Variants in PALM2AKAP2 observed in about 807,000 individuals in gnomAD.
PALM2AKAP2 encodes PALM2 and AKAP2 fusion, also known as PALM2-AKAP2 fusion protein.
In PALM2AKAP2, 37 loss-of-function variants were observed where a neutral mutation model predicts 71.5. The observed-to-expected ratio is 0.52, with a 90% CI of 0.40 to 0.68. The LOEUF (loss-of-function observed/expected upper bound fraction) is 0.68. PALM2AKAP2 is among the 30% of genes least tolerant of loss of function. PALM2AKAP2 has a pLI of 0.00. For synonymous variants in PALM2AKAP2, 468 were observed against 478.8 expected (o/e 0.98, Z 0.29); for missense variants, 1,224 against 1,191.8 (o/e 1.03, Z -0.40).
chr9:109,696,230 G>A lies in PALM2AKAP2; in HGVS notation c.5+55364G>A, dbSNP rs140316978. 1.3e-3 allele frequency among the ~76,000 whole-genome samples: 194 copies of A among 152,142 alleles called. 2 individuals carry two copies. Among genetic ancestry groups the A allele is most frequent in the African/African-American group, 4.5e-3 (187 of 41,492 alleles). ...GCTAACATCATTGATGTCATCAAGA[G>A]CACTCATGTTTCAGCAAGAAAAAAA... On this transcript the variant is annotated intron_variant, in intron 1 of 6. Transcript: ENST00000374531.
chr9:109,802,182 G>A (rs1441660930), intron 1 of PALM2AKAP2, among the ~76,000 whole-genome samples: 1 of 152,228 alleles, frequency 6.6e-6, no homozygotes, highest in African/African-American at 2.4e-5. Flanking sequence ...AGCCTCTTCT[G>A]GGCATCTGAA....
At chr9:110,099,520 T>C (rs1271936244) in intron 1 of PALM2AKAP2, among the ~76,000 whole-genome samples, 5 of 152,164 alleles carry the variant, frequency 3.3e-5, no homozygotes, top group Non-Finnish European at 7.4e-5. Flanking sequence ...GCCCATCCAT[T>C]TCCCTAAGAT....
intron 1 of PALM2AKAP2, among the ~76,000 whole-genome samples, chr9:109,654,750 G>GGTGTGTGTGT (rs374397482): frequency 0.024 from 3,573 of 147,252 alleles, 76 homozygotes; most frequent in South Asian, 0.045. Context: ...GTATGTGTAT[G>GGTGTGTGTGT]GTGTGTGTGT....
intron 1 of PALM2AKAP2, among the ~76,000 whole-genome samples, chr9:109,742,153 AC>A (rs1322378121): frequency 1.3e-5 from 2 of 151,868 alleles, no homozygotes; most frequent in Non-Finnish European, 2.9e-5. Context: ...AAATGACATA[AC>A]TTTTTATTTT....
At chr9:110,058,982 C>G (rs929550556) in intron 1 of PALM2AKAP2, among the ~76,000 whole-genome samples, 1 of 146,802 alleles carries the variant, frequency 6.8e-6, no homozygotes. Context: ...TCACTGCAAC[C>G]TCCGCCCCCT....
At chr9:110,001,578 G>T (rs568224004) in intron 6 of PALM2AKAP2, among the ~76,000 whole-genome samples, 22 of 152,104 alleles carry the variant, frequency 1.4e-4, no homozygotes, top group Non-Finnish European at 3.2e-4. Flanking sequence ...GAGGGGGATG[G>T]CATTGAATCT....
At chr9:109,982,443 A>T (rs1832294056) in intron 6 of PALM2AKAP2, among the ~76,000 whole-genome samples, 2 of 152,256 alleles carry the variant, frequency 1.3e-5, no homozygotes, top group Non-Finnish European at 2.9e-5. Context: ...ACGTTTTAAA[A>T]TAACTAAGAG....
In PALM2AKAP2 at chr9:109,754,709, A is replaced by G. The variant is rs549312524; in HGVS notation, c.6-25779A>G. Among the ~76,000 whole-genome samples, 13 of 152,236 alleles carry G rather than the reference A, an allele frequency of 8.5e-5. No homozygotes were observed. The East Asian group carries it at 2.3e-3, about 27-fold the overall frequency. On this transcript the variant is annotated intron_variant, in intron 1 of 6. Transcript: ENST00000374531. ...AGTTGGCAGATGGCCTTCTGGCTGCATTCTCACATAACTGAGAGGAGAAGC... is the reference window on the plus strand; with the variant it reads ...AGTTGGCAGATGGCCTTCTGGCTGCGTTCTCACATAACTGAGAGGAGAAGC...
At chr9:109,907,601 G>A (rs1409946020) in intron 3 of PALM2AKAP2, among the ~76,000 whole-genome samples, 4 of 152,154 alleles carry the variant, frequency 2.6e-5, no homozygotes, top group African/African-American at 9.7e-5. Flanking sequence ...ACATGACAGA[G>A]AACAATAGCA....
At chr9:109,770,978 A>T (rs959693800) in intron 1 of PALM2AKAP2, among the ~76,000 whole-genome samples, 1 of 152,214 alleles carries the variant, frequency 6.6e-6, no homozygotes. Flanking sequence ...AGTCAAGTAC[A>T]ATTCTCAAGG....
intron 7 of PALM2AKAP2, among the ~76,000 whole-genome samples, chr9:110,031,593 A>T (rs942283435): frequency 2.6e-5 from 4 of 152,184 alleles, no homozygotes; most frequent in Non-Finnish European, 5.9e-5. Context: ...CCACAACCCT[A>T]TGAGGTGGGT....
chr9:109,919,466 C>A (rs1333195418), intron 3 of PALM2AKAP2, among the ~76,000 whole-genome samples: 1 of 152,120 alleles, frequency 6.6e-6, no homozygotes, highest in Non-Finnish European at 1.5e-5. Context: ...TCAGAGACAA[C>A]TATCACTGAC....
intron 6 of PALM2AKAP2, among the ~76,000 whole-genome samples, chr9:109,950,311 AC>A (rs1481288975): frequency 2.0e-5 from 3 of 152,080 alleles, no homozygotes; most frequent in African/African-American, 7.2e-5. Context: ...AAACAAAAAA[AC>A]AATTATCAGT....
At chr9:109,866,125 G>A (rs1386985567) in intron 1 of PALM2AKAP2, among the ~76,000 whole-genome samples, 2 of 152,172 alleles carry the variant, frequency 1.3e-5, no homozygotes, top group African/African-American at 4.8e-5. Flanking sequence ...ATTTTGTAAG[G>A]TCTGGGCATT....
chr9:110,077,798 G>C (rs894497176), intron 1 of PALM2AKAP2, among the ~76,000 whole-genome samples: 12 of 152,176 alleles, frequency 7.9e-5, no homozygotes, highest in African/African-American at 2.9e-4. Context: ...GTCGGATCAC[G>C]AGGTCAGGAG....
At chr9:109,821,151 A>C (rs1451282597) in intron 1 of PALM2AKAP2, among the ~76,000 whole-genome samples, 1 of 152,122 alleles carries the variant, frequency 6.6e-6, no homozygotes, top group Non-Finnish European at 1.5e-5. Context: ...CAGCCTTGTG[A>C]GCTGCCAGGT....
chr9:109,938,198 T>G (rs1472811289), intron 6 of PALM2AKAP2, among the ~76,000 whole-genome samples: 2 of 152,218 alleles, frequency 1.3e-5, no homozygotes, highest in African/African-American at 2.4e-5. Context: ...GGCTGAGAAC[T>G]GAAGCAAAAT....
intron 1 of PALM2AKAP2, among the ~76,000 whole-genome samples, chr9:109,844,794 T>C (rs1377634008): frequency 1.3e-5 from 2 of 152,152 alleles, no homozygotes; most frequent in Non-Finnish European, 2.9e-5. Flanking sequence ...GGGACTTACA[T>C]GGATGTCAGC....
chr9:110,156,523 C>T (rs772596285), intron 3 of PALM2AKAP2, 26 bp downstream of exon 9: 52 of 1,577,596 alleles, frequency 3.3e-5, no homozygotes, highest in Admixed American at 7.1e-5. Context: ...TTTCCTCTTT[C>T]ACTTCTCTGA....
Sources: allele counts gnomAD v4.1 joint callset (sites outside exome capture counted in the v4.1 genomes callset), GRCh38; gene constraint gnomAD v4.1.1; transcripts MANE v1.5; gene names NCBI Gene and HGNC (gene_info 2026-07-23, HGNC 2026-07-21).